The following CACNA1S variants were observed in gnomAD, a reference collection of about 807,000 sequenced individuals.
The protein encoded by CACNA1S is voltage-dependent L-type calcium channel subunit alpha-1S.
Under a neutral mutation model 207.4 loss-of-function variants are expected in CACNA1S, and 126 were observed. That is an observed-to-expected ratio of 0.61 (90% confidence interval 0.53 to 0.70). The LOEUF (loss-of-function observed/expected upper bound fraction) is 0.70, where lower values mean the gene tolerates loss of function less well. CACNA1S is among the 30% of genes least tolerant of loss of function. CACNA1S has a pLI of 0.00. For missense variants in CACNA1S, 2,349 were observed against 2,422.8 expected (o/e 0.97, Z 0.64); for synonymous variants, 960 against 932.7 (o/e 1.03, Z -0.53).
At chr1:201,045,287 G>A (rs548457650) in intron 38 of CACNA1S, among the ~76,000 whole-genome samples, 19 of 152,162 alleles carry the variant, frequency 1.2e-4, no homozygotes, top group Non-Finnish European at 1.9e-4. Flanking sequence ...TCAAGATCGT[G>A]TCAAGGAAAG....
At chr1:201,068,960 C>T (rs539633432) in intron 19 of CACNA1S, among the ~76,000 whole-genome samples, 177 bp downstream of exon 19, 1 of 152,342 alleles carries the variant, frequency 6.6e-6, no homozygotes, top group African/African-American at 2.4e-5. Flanking sequence ...CTGGGCTTTA[C>T]TTTCCAGCCC....
Position 201,061,308 on chromosome 1 carries a change from C to G in CACNA1S, c.3214G>C (p.Gly1072Arg). 2 of 1,614,200 alleles carry G rather than the reference C, an allele frequency of 1.2e-6. No homozygotes were observed. The highest frequency in any genetic ancestry group is 1.7e-6 in the Non-Finnish European group (2 of 1,180,036). The stretch of plus-strand genomic sequence containing the variant: ...TCACAGTTCTTGTACTCAGTCTCTC[C>G]CTGCTCCTGGAAGGTGACAATGACG... ...GFVIVTFQEQ[G>R]ETEYKNCELD... Residue 1072 changes from glycine (G) to arginine (R), a missense_variant, in exon 25 of 44, where the codon GGA becomes CGA. Gly to Arg is a moderately radical substitution (Grantham distance 125). Coordinates refer to ENST00000362061, the MANE Select transcript of CACNA1S (RefSeq NM_000069.3).
At position 201,040,698 on chromosome 1, in the gene CACNA1S, G is replaced by C. The variant is rs758722244; in HGVS notation, c.5150C>G (p.Pro1717Arg). Reference protein sequence around the residue: ...PCRVLGPHSKPCVEMLKGLLT... With the variant: ...PCRVLGPHSKRCVEMLKGLLT... ...CAGTCCCTTCAGCATCTCCACACAG[G>C]GTTTGCTGTGGGGTCCTGTATGCAA... The change falls in exon 42 of 44, where the codon CCC (proline) becomes CGC (arginine). Residue 1717 changes from proline (P) to arginine (R), a missense_variant. Coordinates refer to ENST00000362061, the MANE Select transcript of CACNA1S (RefSeq NM_000069.3). The C allele has an allele frequency of 2.5e-6, 4 of 1,613,792 alleles. No homozygotes were observed. The highest frequency in any genetic ancestry group is 3.4e-6 in the Non-Finnish European group (4 of 1,179,912).
chr1:201,081,915 T>A (rs1661856126), intron 10 of CACNA1S, among the ~76,000 whole-genome samples: 1 of 152,204 alleles, frequency 6.6e-6, no homozygotes, highest in Non-Finnish European at 1.5e-5. Context: ...GATTGTAGGC[T>A]TTCCAAGACC....
chr1:201,065,681 G>C (rs561694728), intron 22 of CACNA1S, among the ~76,000 whole-genome samples, 157 bp downstream of exon 22: 1 of 152,348 alleles, frequency 6.6e-6, no homozygotes, highest in African/African-American at 2.4e-5. Context: ...TATGTGTTTG[G>C]TGTGGTGAAG....
At position 201,085,042 on chromosome 1, in the gene CACNA1S, G is replaced by A. The variant is rs1466916514; in HGVS notation, c.1151-11C>T. On this transcript the variant is annotated splice_polypyrimidine_tract_variant and intron_variant, in intron 8 of 43. Transcript: ENST00000362061. ...CCAAAGACAGTTTTCCTGGAGACAGGAGAGAAAGAGTCAGCCAGCCTTCGG... is the reference window on the plus strand; with the variant it reads ...CCAAAGACAGTTTTCCTGGAGACAGAAGAGAAAGAGTCAGCCAGCCTTCGG... 1 of 1,603,604 alleles carries A rather than the reference G, an allele frequency of 6.2e-7. No individual in the cohort carries two copies. Among genetic ancestry groups the A allele is most frequent in the Non-Finnish European group, 8.5e-7 (1 of 1,175,750 alleles).
At chr1:201,075,103 C>T (rs946373319) in intron 13 of CACNA1S, among the ~76,000 whole-genome samples, 4 of 152,194 alleles carry the variant, frequency 2.6e-5, no homozygotes. Context: ...CTGGTCCCAG[C>T]GCTCAGACTG....
rs778273222 is a variant in CACNA1S, at chr1:201,078,118, G to A, written c.1394-14C>T. 2 of 1,593,526 alleles carry A rather than the reference G, an allele frequency of 1.3e-6. No individual in the cohort carries two copies. Among genetic ancestry groups the A allele is most frequent in the Non-Finnish European group, 1.7e-6 (2 of 1,161,194 alleles). On this transcript the variant is annotated splice_polypyrimidine_tract_variant and intron_variant, in intron 10 of 43. Transcript: ENST00000362061. Reference sequence around the variant, plus strand: ...GGTTGGCAATGTCTGTAGGGTTGGTGGCACAGCCCCGGCATCACTCTCCTT... The same window carrying A: ...GGTTGGCAATGTCTGTAGGGTTGGTAGCACAGCCCCGGCATCACTCTCCTT...
At position 201,083,171 on chromosome 1, in the gene CACNA1S, G is replaced by C. The variant is rs747376751; in HGVS notation, c.1384C>G (p.Arg462Gly). 1 of 1,613,926 alleles carries C rather than the reference G, an allele frequency of 6.2e-7. No individual in the cohort carries two copies. The highest frequency in any genetic ancestry group is 1.7e-5 in the Admixed American group (1 of 60,032). Residue 462 changes from arginine to glycine, a missense_variant, in exon 10 of 44, where the codon CGT (arginine) becomes GGT (glycine). Physicochemically the swap from Arg to Gly is moderately radical, Grantham distance 125. Coordinates refer to ENST00000362061, the MANE Select transcript of CACNA1S (RefSeq NM_000069.3). ...CTCCGTTCCGCCTCACCTTGCAAAC[G>C]GGTCAGCCAGAGAGGCTGGTTGTGG... ...EHHNQPLWLT[R>G]LQDIANRVLL...
chr1:201,095,169 T>TAC (rs1391686199), intron 2 of CACNA1S, among the ~76,000 whole-genome samples: 3 of 150,794 alleles, frequency 2.0e-5, no homozygotes, highest in Admixed American at 6.6e-5. Context: ...TATATATATA[T>TAC]ACACACATAC....
intron 2 of CACNA1S, among the ~76,000 whole-genome samples, chr1:201,109,396 C>T (rs1230546580): frequency 1.3e-5 from 2 of 152,158 alleles, no homozygotes; most frequent in Non-Finnish European, 2.9e-5. Context: ...ATGTTACTTA[C>T]CCCACAGGAG....
intron 35 of CACNA1S, 141 bp from the exon 36 acceptor site, chr1:201,048,825 GGGACAGA>G: frequency 1.2e-6 from 1 of 842,586 alleles, no homozygotes; most frequent in Non-Finnish European, 2.0e-6. Flanking sequence ...CCTTTGTGAG[GGGACAGA>G]ATGATGAGTT....
Position 201,069,146 on chromosome 1 carries a change from A to G in CACNA1S, c.2541T>C (p.Ile847=), listed in dbSNP as rs759132748. ...IGFTSVFTVE[I]VLKMTTYGAF... is the part of the protein sequence containing the mutation. ...CACAGCCTTCACTCACCTTGAGGAC[A>G]ATCTCCACAGTGAAGACAGAGGTGA... Residue 847 remains isoleucine, a synonymous_variant, in exon 19 of 44, where the codon ATT becomes ATC. Coordinates refer to ENST00000362061, the MANE Select transcript of CACNA1S (RefSeq NM_000069.3). 1 of 1,614,096 alleles carries G rather than the reference A, an allele frequency of 6.2e-7. No homozygotes were observed. Among genetic ancestry groups the G allele is most frequent in the Non-Finnish European group, 8.5e-7 (1 of 1,179,930 alleles).
chr1:201,051,256 C>T (rs1660639660), intron 32 of CACNA1S, 113 bp from the exon 33 acceptor site: 2 of 993,852 alleles, frequency 2.0e-6, no homozygotes, highest in Non-Finnish European at 3.2e-6. Context: ...GGCTGTTGTC[C>T]AATGGTAAGG....
intron 2 of CACNA1S, among the ~76,000 whole-genome samples, chr1:201,102,503 G>A (rs370948847): frequency 5.9e-5 from 9 of 152,264 alleles, no homozygotes; most frequent in African/African-American, 2.2e-4. Flanking sequence ...CCATCAGCAA[G>A]CAACAGGACC....
Position 201,040,333 on chromosome 1 carries a change from G to A in CACNA1S, c.5268C>T (p.Ser1756=), listed in dbSNP as rs1660104257. ...VESSMPEDRK[S]STPGSLHEET... ...CCTCATGAAGAGACCCTGGTGTGGA[G>A]CTCTTTCTGTCCTCAGGCATGGAGG... The change falls in exon 43 of 44, where the codon AGC becomes AGT. Residue 1756 remains serine (S), a synonymous_variant. Transcript: ENST00000362061. The A allele has an allele frequency of 6.2e-7, 1 of 1,613,596 alleles. No individual in the cohort carries two copies. The highest frequency in any genetic ancestry group is 1.3e-5 in the African/African-American group (1 of 74,894).
At position 201,084,997 on chromosome 1, in the gene CACNA1S, T is replaced by G; in HGVS notation, c.1185A>C (p.Thr395=). Residue 395 remains threonine, a synonymous_variant, in exon 9 of 44, where the codon ACA becomes ACC. Transcript: ENST00000362061. ...AGCCTGCAATTTCATACAGGCTCTCTGTGTCAGAGCCACCTTCATCCAAAG... is the reference window on the plus strand; with the variant it reads ...AGCCTGCAATTTCATACAGGCTCTCGGTGTCAGAGCCACCTTCATCCAAAG... ...KLSLDEGGSD[T]ESLYEIAGLN... is the part of the protein sequence containing the mutation. 1 of 1,612,594 alleles carries G rather than the reference T, an allele frequency of 6.2e-7. No individual in the cohort carries two copies. The highest frequency in any genetic ancestry group is 8.5e-7 in the Non-Finnish European group (1 of 1,179,852).
intron 10 of CACNA1S, among the ~76,000 whole-genome samples, chr1:201,082,028 C>CTTTTTT (rs1158693723): frequency 9.9e-6 from 1 of 100,868 alleles, no homozygotes; most frequent in Non-Finnish European, 2.1e-5. Flanking sequence ...GTCTCAGGTG[C>CTTTTTT]ATTTTTTTTT....
In CACNA1S at chr1:201,094,634, T is replaced by G. The variant is rs550417390; in HGVS notation, c.259-613A>C. Among the ~76,000 whole-genome samples, 480 of 152,154 alleles carry G rather than the reference T, an allele frequency of 3.2e-3. 2 individuals are homozygous for G. The highest frequency in any genetic ancestry group is 4.3e-3 in the Non-Finnish European group (290 of 68,014). ...CCAGATGCCTTCCCTTGCTGGGCAG[T>G]GTTGCTCTTTAATTCATTTTCCTTT... On this transcript the variant is annotated intron_variant, in intron 2 of 43. Transcript: ENST00000362061.
Sources: gnomAD v4.1 joint callset for allele counts (sites outside exome capture counted in the v4.1 genomes callset) on GRCh38, gnomAD v4.1.1 for gene constraint, MANE v1.5 for transcripts, NCBI Gene and HGNC (gene_info 2026-07-23, HGNC 2026-07-21) for gene names.